COL14A1: variants seen among roughly 807,000 people sequenced by gnomAD.
The protein encoded by COL14A1 is collagen type XIV alpha 1 chain, also known as collagen alpha-1(XIV) chain.
A neutral mutation model predicts 230.3 loss-of-function variants in COL14A1; 136 were observed. The ratio of observed to expected loss-of-function variants is 0.59; its 90% CI spans 0.51 to 0.68. The LOEUF is 0.68. COL14A1 is among the 30% of genes least tolerant of loss of function. The pLI, the probability that COL14A1 is intolerant of heterozygous loss-of-function variation, is 0.00. For missense variants in COL14A1, 1,976 were observed against 2,215.8 expected (o/e 0.89, Z 2.17); for synonymous variants, 792 against 784.1 (o/e 1.01, Z -0.17).
At chr8:120,186,738 C>A (rs1042314947) in intron 5 of COL14A1, among the ~76,000 whole-genome samples, 1 of 152,144 alleles carries the variant, frequency 6.6e-6, no homozygotes, top group African/African-American at 2.4e-5. Flanking sequence ...TAGTGCCCTG[C>A]TGGAAGTGTG....
intron 26 of COL14A1, among the ~76,000 whole-genome samples, chr8:120,273,452 A>G (rs2129845140): frequency 6.6e-6 from 1 of 152,034 alleles, no homozygotes; most frequent in Non-Finnish European, 1.5e-5. Flanking sequence ...TCAGAGCAGA[A>G]CTAAATGAAA....
intron 5 of COL14A1, among the ~76,000 whole-genome samples, chr8:120,168,930 A>C (rs1233731540): frequency 2.0e-5 from 3 of 152,100 alleles, no homozygotes; most frequent in Non-Finnish European, 2.9e-5. Context: ...ATCTCGGCTC[A>C]CTGCAACCTC....
At chr8:120,195,820 C>A (rs1241326595) in intron 5 of COL14A1, among the ~76,000 whole-genome samples, 4 of 152,150 alleles carry the variant, frequency 2.6e-5, no homozygotes, top group Non-Finnish European at 4.4e-5. Flanking sequence ...ATTATGGGAG[C>A]TACAGTTCAA....
chr8:120,169,022 A>C (rs1816014282), intron 5 of COL14A1, among the ~76,000 whole-genome samples: 1 of 151,938 alleles, frequency 6.6e-6, no homozygotes, highest in African/African-American at 2.4e-5. Context: ...TGCCCAGCTA[A>C]TTTTTGTATT....
In COL14A1 at chr8:120,166,720, G is replaced by A. The variant is rs370561702; in HGVS notation, c.350-1441G>A. 1.1e-4 allele frequency among the ~76,000 whole-genome samples: 16 copies of A among 152,296 alleles called. 1 individual carries two copies. The East Asian group carries it at 1.2e-3, about 11-fold the overall frequency. ...TTAATTGTGAGATGGTAAAATTACA[G>A]GAGGGTGTAGAGAGACACAAGGCAA... On this transcript the variant is annotated intron_variant, in intron 4 of 47. Coordinates refer to ENST00000297848, the MANE Select transcript of COL14A1 (RefSeq NM_021110.4).
intron 1 of COL14A1, among the ~76,000 whole-genome samples, chr8:120,130,868 CTT>C (rs949146257): frequency 1.3e-5 from 2 of 151,984 alleles, no homozygotes; most frequent in African/African-American, 2.4e-5. Flanking sequence ...CCCTCACCCC[CTT>C]TTTTTTCCTT....
At chr8:120,260,689 G>A (rs983435956) in intron 23 of COL14A1, among the ~76,000 whole-genome samples, 3 of 152,000 alleles carry the variant, frequency 2.0e-5, no homozygotes, top group African/African-American at 7.3e-5. Flanking sequence ...CTCTTAATCA[G>A]TTGTCCATTG....
chr8:120,185,483 C>T (rs1041561427), intron 5 of COL14A1, among the ~76,000 whole-genome samples: 1 of 151,972 alleles, frequency 6.6e-6, no homozygotes, highest in Non-Finnish European at 1.5e-5. Flanking sequence ...AGTGAGACCC[C>T]ATCTCTACAA....
intron 8 of COL14A1, among the ~76,000 whole-genome samples, chr8:120,201,112 T>A (rs1016341419): frequency 6.6e-6 from 1 of 151,992 alleles, no homozygotes; most frequent in Non-Finnish European, 1.5e-5. Context: ...GTAAGAGAAG[T>A]GTATTATTAT....
At chr8:120,166,947 G>A (rs969637770) in intron 4 of COL14A1, among the ~76,000 whole-genome samples, 4 of 150,822 alleles carry the variant, frequency 2.7e-5, no homozygotes, top group Non-Finnish European at 5.9e-5. Flanking sequence ...GGTGGTGGGG[G>A]TGCTCCAAAG....
At chr8:120,218,035 A>AAT (rs1353916015) in intron 14 of COL14A1, among the ~76,000 whole-genome samples, 2 of 142,320 alleles carry the variant, frequency 1.4e-5, no homozygotes, top group East Asian at 2.0e-4. Flanking sequence ...AATATAAATA[A>AAT]ATATATATTA....
At chr8:120,134,919 G>A (rs756821102) in intron 1 of COL14A1, among the ~76,000 whole-genome samples, 55 of 152,166 alleles carry the variant, frequency 3.6e-4, no homozygotes, top group Non-Finnish European at 5.9e-4. Context: ...AAATTGCAGC[G>A]AGCCAAGATT....
intron 1 of COL14A1, among the ~76,000 whole-genome samples, chr8:120,131,643 T>C (rs1191017437): frequency 6.6e-6 from 1 of 152,080 alleles, no homozygotes; most frequent in Non-Finnish European, 1.5e-5. Context: ...GCAAATACTT[T>C]CTCCTATTCT....
At chr8:120,277,736 A>G (rs1482838046) in intron 26 of COL14A1, 1 of 153,584 alleles carries the variant, frequency 6.5e-6, no homozygotes, top group African/African-American at 2.4e-5. Flanking sequence ...AGACGGGAAC[A>G]ATAGACACTA....
intron 5 of COL14A1, among the ~76,000 whole-genome samples, chr8:120,169,520 G>T (rs1816031469): frequency 6.6e-6 from 1 of 151,250 alleles, no homozygotes; most frequent in Non-Finnish European, 1.5e-5. Context: ...GTTTATTTTT[G>T]TTTTGTGTTG....
At chr8:120,152,726 A>C (rs1815330774) in intron 2 of COL14A1, among the ~76,000 whole-genome samples, 1 of 152,326 alleles carries the variant, frequency 6.6e-6, no homozygotes, top group Non-Finnish European at 1.5e-5. Flanking sequence ...TAGGAGAAAA[A>C]TGCGTACAGC....
intron 19 of COL14A1, chr8:120,231,837 A>G: frequency 2.0e-6 from 1 of 488,624 alleles, no homozygotes; most frequent in Non-Finnish European, 3.6e-6. Context: ...CAAGTTAATA[A>G]CCTCTGAACA....
At chr8:120,305,417 G>T (rs1586847994) in intron 36 of COL14A1, among the ~76,000 whole-genome samples, 1 of 152,230 alleles carries the variant, frequency 6.6e-6, no homozygotes, top group East Asian at 1.9e-4. Context: ...AATGATACCA[G>T]AAGAAATTAT....
intron 5 of COL14A1, 58 bp downstream of exon 5, chr8:120,168,305 C>G: frequency 8.2e-7 from 1 of 1,217,960 alleles, no homozygotes; most frequent in Admixed American, 1.9e-5. Context: ...ATTACACAGG[C>G]AATACTCACA....
Sources: allele counts gnomAD v4.1 joint callset (sites outside exome capture counted in the v4.1 genomes callset), GRCh38; gene constraint gnomAD v4.1.1; transcripts MANE v1.5; gene names NCBI Gene and HGNC (gene_info 2026-07-23, HGNC 2026-07-21).